The following RNF144B variants were observed in gnomAD, a reference collection of about 807,000 sequenced individuals.
RNF144B encodes ring finger protein 144B, also known as E3 ubiquitin-protein ligase RNF144B.
In RNF144B, 25 loss-of-function variants were observed where a neutral mutation model predicts 40.2. That is an observed-to-expected ratio of 0.62 (90% CI 0.45 to 0.87). RNF144B has a LOEUF of 0.87. Among genes scored for constraint, RNF144B ranks in the 40% least tolerant of loss-of-function variants. The probability of loss-of-function intolerance (pLI) is 0.00; values close to 1 mark genes in which losing one functional copy is unlikely to be tolerated. For synonymous variants in RNF144B, 145 were observed against 136.3 expected (o/e 1.06, Z -0.44); for missense variants, 365 against 373.7 (o/e 0.98, Z 0.19).
At chr6:18,394,430 T>C (rs1794650430) in intron 1 of RNF144B, among the ~76,000 whole-genome samples, 1 of 152,096 alleles carries the variant, frequency 6.6e-6, no homozygotes, top group Admixed American at 6.6e-5. Flanking sequence ...AAACCTCGTC[T>C]CTACTAAAAA....
At chr6:18,429,328 A>G (rs1415606677) in intron 3 of RNF144B, among the ~76,000 whole-genome samples, 1 of 146,792 alleles carries the variant, frequency 6.8e-6, no homozygotes, top group Non-Finnish European at 1.5e-5. Context: ...GTGTATAGAT[A>G]TATATACTGT....
At chr6:18,388,920 CAT>C (rs1794524552) in intron 1 of RNF144B, among the ~76,000 whole-genome samples, 2 of 151,686 alleles carry the variant, frequency 1.3e-5, no homozygotes, top group Admixed American at 1.3e-4. Flanking sequence ...AAAAGGTAAA[CAT>C]ATATAGTGAA....
intron 1 of RNF144B, among the ~76,000 whole-genome samples, chr6:18,388,260 G>C (rs1794507435): frequency 6.6e-6 from 1 of 151,920 alleles, no homozygotes; most frequent in Non-Finnish European, 1.5e-5. Context: ...GTTTCATATT[G>C]CTTTCTGCCA....
rs200384483 is a variant in RNF144B, at chr6:18,464,907, C to T, written c.772-20C>T. ...TGAAAGACTTAATTGCTGAAATATGCTTTTCTTTGAAATTTCCAGGTGGTG... is the reference window on the plus strand; with the variant it reads ...TGAAAGACTTAATTGCTGAAATATGTTTTTCTTTGAAATTTCCAGGTGGTG... On this transcript the variant is annotated intron_variant, in intron 7 of 7. Coordinates refer to ENST00000259939, the MANE Select transcript of RNF144B (RefSeq NM_182757.4). The surrounding 1 kb of genome is among the most constrained non-coding windows in gnomAD (Gnocchi z 6.1). 78 of 1,612,978 alleles carry T rather than the reference C, an allele frequency of 4.8e-5. No individual in the cohort carries two copies. The East Asian group carries it at 1.5e-3, about 31-fold the overall frequency.
intron 2 of RNF144B, among the ~76,000 whole-genome samples, chr6:18,404,434 A>G (rs1175513484): frequency 6.6e-6 from 1 of 152,174 alleles, no homozygotes; most frequent in African/African-American, 2.4e-5. Context: ...AGGGGTTGAC[A>G]ATACCTACCT....
intron 3 of RNF144B, among the ~76,000 whole-genome samples, chr6:18,431,261 T>G (rs1032840071): frequency 2.6e-5 from 4 of 151,970 alleles, no homozygotes; most frequent in Non-Finnish European, 1.5e-5. Context: ...AAGAATCAAA[T>G]GTTCTCTATC....
intron 4 of RNF144B, among the ~76,000 whole-genome samples, chr6:18,449,361 C>A (rs1759156743): frequency 6.6e-6 from 1 of 152,166 alleles, no homozygotes; most frequent in African/African-American, 2.4e-5. Context: ...TCAGTGTGAT[C>A]TGGTTCTCAC....
rs1759081372 is a variant in RNF144B, at chr6:18,446,306, G to C, written c.331+6562G>C. 2.6e-5 allele frequency among the ~76,000 whole-genome samples: 4 copies of C among 152,130 alleles called. No individual in the cohort carries two copies. ...AAACCCAGCTCTTTTACCTTCCATTGGCTTTTCCTTGTATCTGCTCTTCTA... is the reference window on the plus strand; with the variant it reads ...AAACCCAGCTCTTTTACCTTCCATTCGCTTTTCCTTGTATCTGCTCTTCTA... On this transcript the variant is annotated intron_variant, in intron 4 of 7. Transcript: ENST00000259939. This position sits in a 1 kb window ranked among gnomAD's most constrained non-coding sequence, Gnocchi z 4.7.
At chr6:18,429,439 G>A (rs1488221257) in intron 3 of RNF144B, among the ~76,000 whole-genome samples, 1 of 152,174 alleles carries the variant, frequency 6.6e-6, no homozygotes, top group Non-Finnish European at 1.5e-5. Context: ...AACAATTTGT[G>A]TCTGGGCATC....
At position 18,440,607 on chromosome 6, in the gene RNF144B, C is replaced by CT. The variant is rs940350975; in HGVS notation, c.331+866dup. On this transcript the variant is annotated intron_variant, in intron 4 of 7. Transcript: ENST00000259939. ...CAATAAGTTTGGTCAGTACAATTAT[C>CT]TTTATCTCATTTAATTTTTACAACT... Among the ~76,000 whole-genome samples, 4 of 151,964 alleles carry CT rather than the reference C, an allele frequency of 2.6e-5. No homozygotes were observed. In the South Asian group the frequency reaches 8.3e-4, roughly 32 times the overall value.
intron 4 of RNF144B, among the ~76,000 whole-genome samples, chr6:18,449,645 A>T (rs1759163912): frequency 2.0e-5 from 3 of 152,042 alleles, no homozygotes; most frequent in South Asian, 4.1e-4. Context: ...ATGAATTTTT[A>T]AAAATTGACA....
At position 18,441,941 on chromosome 6, in the gene RNF144B, C is replaced by T. The variant is rs1309081581; in HGVS notation, c.331+2197C>T. The stretch of plus-strand genomic sequence containing the variant: ...GTAGCACGTTTTAAATTAAATTATT[C>T]TCAATGTTCTTCTCCTGTACACTTT... On this transcript the variant is annotated intron_variant, in intron 4 of 7. Transcript: ENST00000259939. This position sits in a 1 kb window ranked among gnomAD's most constrained non-coding sequence, Gnocchi z 4.9. Among the ~76,000 whole-genome samples the T allele has an allele frequency of 1.3e-5, 2 of 152,188 alleles. No individual in the cohort carries two copies. The highest frequency in any genetic ancestry group is 4.8e-5 in the African/African-American group (2 of 41,450).
chr6:18,420,918 A>C (rs1709765949), intron 2 of RNF144B, among the ~76,000 whole-genome samples: 2 of 152,322 alleles, frequency 1.3e-5, no homozygotes, highest in East Asian at 3.9e-4. Flanking sequence ...TTAAAGAATA[A>C]GAACACCACA....
rs1424423126 is a variant in RNF144B at position 18,441,006 on chromosome 6, C to A, written c.331+1262C>A. Among the ~76,000 whole-genome samples the A allele has an allele frequency of 6.6e-6, 1 of 151,804 alleles. No homozygotes were observed. The highest frequency in any genetic ancestry group is 1.5e-5 in the Non-Finnish European group (1 of 67,960). On this transcript the variant is annotated intron_variant, in intron 4 of 7. Coordinates refer to ENST00000259939, the MANE Select transcript of RNF144B (RefSeq NM_182757.4). This position sits in a 1 kb window ranked among gnomAD's most constrained non-coding sequence, Gnocchi z 4.9. ...ATAATGTTGAACATGGAATCAGAAC[C>A]AGGGAGTCAGAAGGATTTTTGGTTT...
chr6:18,412,189 G>T lies in RNF144B; in HGVS notation c.165+12490G>T, dbSNP rs1378686091. 6.6e-6 allele frequency among the ~76,000 whole-genome samples: 1 copy of T among 152,110 alleles called. No individual in the cohort carries two copies. The highest frequency in any genetic ancestry group is 1.9e-4 in the East Asian group (1 of 5,178). On this transcript the variant is annotated intron_variant, in intron 2 of 7. Transcript: ENST00000259939. This position sits in a 1 kb window ranked among gnomAD's most constrained non-coding sequence, Gnocchi z 4.2. ...TGTTACCAAATTACTGTTCCAAACT[G>T]TTGCACCAGCTTGGCAACTCCACCA...
chr6:18,408,881 TC>T (rs1358312031), intron 2 of RNF144B, among the ~76,000 whole-genome samples: 3 of 151,590 alleles, frequency 2.0e-5, no homozygotes, highest in Non-Finnish European at 4.4e-5. Flanking sequence ...AAGACACAAA[TC>T]CGTGAATTAT....
At chr6:18,409,402 A>T (rs12210978) in intron 2 of RNF144B, among the ~76,000 whole-genome samples, 2 of 118,398 alleles carry the variant, frequency 1.7e-5, no homozygotes, top group Non-Finnish European at 1.7e-5. Context: ...AAAAAAAAAA[A>T]ACCCTGGAAA....
chr6:18,388,957 A>T (rs750231359), intron 1 of RNF144B, among the ~76,000 whole-genome samples: 7 of 152,136 alleles, frequency 4.6e-5, no homozygotes, highest in Non-Finnish European at 7.4e-5. Context: ...TGAGTAGTAG[A>T]ATTGGGTTGC....
In RNF144B at chr6:18,465,192, T is replaced by C. The variant is rs1168219449; in HGVS notation, c.*125T>C. 4.4e-6 allele frequency: 4 copies of C among 919,504 alleles called. No homozygotes were observed. Among genetic ancestry groups the C allele is most frequent in the East Asian group, 2.6e-5 (1 of 37,784 alleles). 57.0% of individuals were successfully genotyped at this position (919,504 alleles called of 1,614,324 possible). ...TGAAAGTGCCTCCGTGTCCAGACTT[T>C]GAACTTGCCTGCCAGCCTTCAGCAT... On this transcript the variant is annotated 3_prime_UTR_variant, in exon 8 of 8. Coordinates refer to ENST00000259939, the MANE Select transcript of RNF144B (RefSeq NM_182757.4).
Sources: gnomAD v4.1 joint callset for allele counts (sites outside exome capture counted in the v4.1 genomes callset) on GRCh38, gnomAD v4.1.1 for gene constraint, Gnocchi (gnomAD v3.1) non-coding constraint, MANE v1.5 for transcripts, NCBI Gene and HGNC (gene_info 2026-07-23, HGNC 2026-07-21) for gene names.